Variants in TIMP3 observed in about 807,000 individuals in gnomAD.
TIMP3 encodes TIMP metallopeptidase inhibitor 3, also known as metalloproteinase inhibitor 3.
In TIMP3, 11 loss-of-function variants were observed where a neutral mutation model predicts 30.0. The observed-to-expected ratio is 0.37, with a 90% confidence interval of 0.23 to 0.61. The LOEUF (loss-of-function observed/expected upper bound fraction) is 0.61, where lower values mean the gene tolerates loss of function less well. TIMP3 is among the 20% of genes least tolerant of loss of function. The probability of loss-of-function intolerance (pLI) is 0.70; values close to 1 mark genes in which losing one functional copy is unlikely to be tolerated. For missense variants in TIMP3, 181 were observed against 276.8 expected (o/e 0.65, Z 2.45); for synonymous variants, 112 against 111.3 (o/e 1.01, Z -0.04).
intron 1 of TIMP3, among the ~76,000 whole-genome samples, chr22:32,816,959 G>A (rs1422384990): frequency 6.6e-6 from 1 of 151,988 alleles, no homozygotes; most frequent in Admixed American, 6.6e-5. Flanking sequence ...AGCGGCTCAC[G>A]CATATAACCC....
chr22:32,817,738 G>A (rs2047125070), intron 1 of TIMP3, among the ~76,000 whole-genome samples: 1 of 152,202 alleles, frequency 6.6e-6, no homozygotes, highest in African/African-American at 2.4e-5. Flanking sequence ...CTAGGATCTT[G>A]TTTATACCGT....
chr22:32,815,280 CA>C (rs2047058348), intron 1 of TIMP3, among the ~76,000 whole-genome samples: 1 of 152,188 alleles, frequency 6.6e-6, no homozygotes, highest in African/African-American at 2.4e-5. Context: ...TTGTGGGTCC[CA>C]GTGCAGGGAA....
At chr22:32,807,949 A>G (rs1197769695) in intron 1 of TIMP3, among the ~76,000 whole-genome samples, 1 of 152,272 alleles carries the variant, frequency 6.6e-6, no homozygotes, top group Non-Finnish European at 1.5e-5. Flanking sequence ...AAAACAATTT[A>G]TAATTTTTAT....
At chr22:32,827,847 G>C (rs140349149) in intron 1 of TIMP3, among the ~76,000 whole-genome samples, 165 of 152,208 alleles carry the variant, frequency 1.1e-3, no homozygotes, top group Non-Finnish European at 1.9e-3. Context: ...TGAACTTGCT[G>C]TCCTCTCTTC....
At chr22:32,854,315 A>G (rs1196917594) in intron 2 of TIMP3, among the ~76,000 whole-genome samples, 2 of 152,164 alleles carry the variant, frequency 1.3e-5, no homozygotes, top group East Asian at 1.9e-4. Flanking sequence ...GGTTCCTTCA[A>G]ACTTCCAAGT....
chr22:32,804,326 A>G (rs920629763), intron 1 of TIMP3, among the ~76,000 whole-genome samples: 35 of 152,252 alleles, frequency 2.3e-4, no homozygotes, highest in African/African-American at 8.4e-4. Flanking sequence ...GCTGGCGTCC[A>G]GTACTTGGCT....
chr22:32,842,697 C>G (rs1364839740), intron 1 of TIMP3, among the ~76,000 whole-genome samples: 1 of 151,996 alleles, frequency 6.6e-6, no homozygotes, highest in Non-Finnish European at 1.5e-5. Flanking sequence ...TTGGGAGAAC[C>G]CTTAGGGAGC....
chr22:32,807,489 G>A (rs1431634277), intron 1 of TIMP3, among the ~76,000 whole-genome samples: 1 of 142,702 alleles, frequency 7.0e-6, no homozygotes. Flanking sequence ...CAGCTAATAA[G>A]TATAGAGTGA....
chr22:32,849,341 G>GT, intron 1 of TIMP3, 111 bp from the exon 2 acceptor site: 1 of 863,522 alleles, frequency 1.2e-6, no homozygotes, highest in South Asian at 1.4e-5. Context: ...TGGCTCCAAG[G>GT]TAAGAGTGCA....
At chr22:32,802,576 C>G (rs1293809333) in intron 1 of TIMP3, among the ~76,000 whole-genome samples, 1 of 152,030 alleles carries the variant, frequency 6.6e-6, no homozygotes, top group Non-Finnish European at 1.5e-5. Flanking sequence ...TGGAGTACTC[C>G]GAGTCTGCAT....
At chr22:32,825,657 C>CAAAAAAAAA (rs130292) in intron 1 of TIMP3, among the ~76,000 whole-genome samples, 3 of 28,594 alleles carry the variant, frequency 1.0e-4, no homozygotes, top group Admixed American at 7.0e-4. Context: ...GTTTCCATCT[C>CAAAAAAAAA]AAAAAAAAAA....
chr22:32,821,606 G>T (rs934096353), intron 1 of TIMP3, among the ~76,000 whole-genome samples: 1 of 152,230 alleles, frequency 6.6e-6, no homozygotes, highest in African/African-American at 2.4e-5. Flanking sequence ...TCTCAGCTGA[G>T]GGGCAAGGCA....
chr22:32,807,899 G>A (rs2046808606), intron 1 of TIMP3, among the ~76,000 whole-genome samples: 2 of 152,136 alleles, frequency 1.3e-5, no homozygotes. Flanking sequence ...GAATGTTAGA[G>A]CCCTGTGCTT....
chr22:32,847,988 G>A (rs768373562), intron 1 of TIMP3, among the ~76,000 whole-genome samples: 10 of 152,162 alleles, frequency 6.6e-5, no homozygotes, highest in Non-Finnish European at 1.3e-4. Context: ...ATTATTAGAC[G>A]ATTTTTTTCT....
chr22:32,815,471 C>T (rs1454646044), intron 1 of TIMP3, among the ~76,000 whole-genome samples: 1 of 152,134 alleles, frequency 6.6e-6, no homozygotes, highest in Non-Finnish European at 1.5e-5. Flanking sequence ...TATGCCAAGA[C>T]CTTTTAAAGC....
intron 2 of TIMP3, among the ~76,000 whole-genome samples, chr22:32,856,189 C>T (rs186868687): frequency 3.9e-5 from 6 of 152,224 alleles, no homozygotes; most frequent in African/African-American, 9.6e-5. Flanking sequence ...GCTGAGTTCA[C>T]GGGACTCAGG....
Position 32,859,682 on chromosome 22 carries a change from TA to T in TIMP3, c.*306del, listed in dbSNP as rs2048481695. 3 of 371,042 alleles carry T rather than the reference TA, an allele frequency of 8.1e-6. No individual in the cohort carries two copies. In the South Asian group the frequency reaches 1.2e-4, roughly 15 times the overall value. 23.0% of individuals were successfully genotyped at this position (371,042 alleles called of 1,614,324 possible). On this transcript the variant is annotated 3_prime_UTR_variant, in exon 5 of 5. Coordinates refer to ENST00000266085, the MANE Select transcript of TIMP3 (RefSeq NM_000362.5). ...CGTGATAATATAATCTCTATTTTTTTAGGAAAACAAAAATGAAAAACTACTC... is the reference window on the plus strand; with the variant it reads ...CGTGATAATATAATCTCTATTTTTTTGGAAAACAAAAATGAAAAACTACTC...
intron 1 of TIMP3, among the ~76,000 whole-genome samples, 168 bp downstream of exon 1, chr22:32,802,290 G>C (rs974807461): frequency 3.3e-5 from 5 of 152,122 alleles, no homozygotes; most frequent in Admixed American, 6.5e-5. Context: ...CGCTGGCATA[G>C]CTGAGAGGGG....
intron 2 of TIMP3, among the ~76,000 whole-genome samples, chr22:32,855,976 T>A (rs1007066602): frequency 3.9e-5 from 6 of 152,222 alleles, no homozygotes; most frequent in Non-Finnish European, 8.8e-5. Context: ...ACGAACCCAA[T>A]GCTTTCACCA....
Sources: allele counts gnomAD v4.1 joint callset (sites outside exome capture counted in the v4.1 genomes callset), GRCh38; gene constraint gnomAD v4.1.1; transcripts MANE v1.5; gene names NCBI Gene and HGNC (gene_info 2026-07-23, HGNC 2026-07-21).